Variants in QKI observed in about 807,000 individuals in gnomAD.
QKI encodes QKI, KH domain containing RNA binding.
QKI carries 10 observed loss-of-function variants against 39.0 expected under a neutral mutation model. The observed-to-expected ratio is 0.26, with a 90% CI of 0.16 to 0.43. The LOEUF is 0.43. Among genes scored for constraint, QKI ranks in the 20% least tolerant of loss-of-function variants. QKI has a pLI of 1.00. For synonymous variants in QKI, 204 were observed against 155.4 expected, an observed-to-expected ratio of 1.31 and a Z score of -2.33; for missense variants, 218 against 428.0, an observed-to-expected ratio of 0.51 and a Z score of 4.33.
chr6:163,570,507 G>C (rs1583239266), intron 7 of QKI, 187 bp from the exon 8 acceptor site: 1 of 958,750 alleles, frequency 1.0e-6, no homozygotes, highest in Non-Finnish European at 1.2e-6. Context: ...ATACGAAATT[G>C]TCATGATTTT....
chr6:163,415,855 G>A (rs952745293), intron 1 of QKI: 3 of 496,910 alleles, frequency 6.0e-6, no homozygotes, highest in East Asian at 5.7e-5. Context: ...GCGGGGTTTC[G>A]TGGTTGGGGA....
At chr6:163,491,877 A>G (rs1030815645) in intron 3 of QKI, among the ~76,000 whole-genome samples, 1 of 152,234 alleles carries the variant, frequency 6.6e-6, no homozygotes, top group Non-Finnish European at 1.5e-5. Flanking sequence ...TTACTCAGCC[A>G]TAGATATAAC....
Position 163,455,364 on chromosome 6 carries a change from G to C in QKI, c.228G>C (p.Val76=). 1.2e-6 allele frequency: 2 copies of C among 1,612,848 alleles called. No homozygotes were observed. Among genetic ancestry groups the C allele is most frequent in the East Asian group, 2.2e-5 (1 of 44,844 alleles). Residue 76 remains valine, a synonymous_variant, in exon 2 of 8, where the codon GTG becomes GTC. Transcript: ENST00000361752. ...EKRSAELPDA[V]GPIVQLQEKL... Reference sequence around the variant, plus strand: ...GGAGTGCAGAATTGCCTGATGCTGTGGGACCTATTGTTCAGTTACAAGAGA... The same window carrying C: ...GGAGTGCAGAATTGCCTGATGCTGTCGGACCTATTGTTCAGTTACAAGAGA...
chr6:163,541,637 T>G (rs192581186), intron 4 of QKI, among the ~76,000 whole-genome samples: 7 of 152,028 alleles, frequency 4.6e-5, no homozygotes, highest in African/African-American at 1.4e-4. Flanking sequence ...GGTGTACACA[T>G]GTACATGCAT....
chr6:163,548,095 C>T (rs772769147), intron 4 of QKI, among the ~76,000 whole-genome samples: 4 of 152,094 alleles, frequency 2.6e-5, no homozygotes, highest in Non-Finnish European at 4.4e-5. Flanking sequence ...GAAAGAACTC[C>T]GTGATTTGTA....
intron 6 of QKI, 130 bp downstream of exon 6, chr6:163,563,849 A>T: frequency 6.9e-7 from 1 of 1,453,634 alleles, no homozygotes; most frequent in Non-Finnish European, 9.0e-7. Flanking sequence ...CGAAAACTAA[A>T]TTTTGTTTTA....
chr6:163,545,199 G>C (rs1440674821), intron 4 of QKI, among the ~76,000 whole-genome samples: 1 of 152,080 alleles, frequency 6.6e-6, no homozygotes, highest in East Asian at 1.9e-4. Context: ...AAATTTAAAT[G>C]TGCTGATTTT....
chr6:163,459,569 C>G (rs779138669), intron 2 of QKI, among the ~76,000 whole-genome samples: 1 of 152,026 alleles, frequency 6.6e-6, no homozygotes, highest in African/African-American at 2.4e-5. Flanking sequence ...AAATATTTGC[C>G]GAAAAATAAT....
chr6:163,565,520 G>T (rs539719014), intron 6 of QKI: 10 of 989,192 alleles, frequency 1.0e-5, no homozygotes, highest in Admixed American at 5.9e-5. Flanking sequence ...GTTTCTCATT[G>T]TAAAGCTTCA....
At chr6:163,511,251 T>C (rs1779454837) in intron 3 of QKI, among the ~76,000 whole-genome samples, 1 of 152,170 alleles carries the variant, frequency 6.6e-6, no homozygotes, top group Admixed American at 6.6e-5. Flanking sequence ...GGAGGAAATT[T>C]ATATATTTAA....
intron 3 of QKI, among the ~76,000 whole-genome samples, chr6:163,494,784 C>T (rs190984738): frequency 1.3e-5 from 2 of 152,090 alleles, no homozygotes; most frequent in East Asian, 3.9e-4. Flanking sequence ...GGATTCCTAA[C>T]AGCAAGAAGA....
chr6:163,501,300 C>A (rs1459714018), intron 3 of QKI, among the ~76,000 whole-genome samples: 1 of 150,612 alleles, frequency 6.6e-6, no homozygotes, highest in African/African-American at 2.5e-5. Context: ...AAAAAAAAAC[C>A]CAAAGCATTT....
chr6:163,544,381 G>A (rs2128244202), intron 4 of QKI, among the ~76,000 whole-genome samples: 1 of 152,154 alleles, frequency 6.6e-6, no homozygotes, highest in East Asian at 1.9e-4. Context: ...TGGTGTTCTG[G>A]AACCAGTTCC....
At chr6:163,417,749 T>C (rs1787644556) in intron 1 of QKI, among the ~76,000 whole-genome samples, 1 of 152,200 alleles carries the variant, frequency 6.6e-6, no homozygotes, top group Admixed American at 6.5e-5. Context: ...CTATCTTTAG[T>C]TTTAGCCTTG....
At chr6:163,442,148 T>C (rs1789807718) in intron 1 of QKI, among the ~76,000 whole-genome samples, 1 of 152,150 alleles carries the variant, frequency 6.6e-6, no homozygotes. Flanking sequence ...AGAGAGAATC[T>C]AGCTGTCTTT....
At chr6:163,457,547 C>G in intron 2 of QKI, 2 of 439,220 alleles carry the variant, frequency 4.6e-6, no homozygotes, top group South Asian at 3.2e-5. Context: ...ATCAGAAACT[C>G]TGGGGTAAGG....
chr6:163,479,051 C>T (rs1043533663), intron 3 of QKI, among the ~76,000 whole-genome samples, 155 bp downstream of exon 3: 3 of 151,954 alleles, frequency 2.0e-5, no homozygotes, highest in Non-Finnish European at 4.4e-5. Flanking sequence ...TTTGGGAGGC[C>T]GAGGCAGGCG....
chr6:163,547,426 A>G (rs1028869355), intron 4 of QKI, among the ~76,000 whole-genome samples: 2 of 152,086 alleles, frequency 1.3e-5, no homozygotes, highest in Non-Finnish European at 2.9e-5. Context: ...TTCATTTCCA[A>G]TTTGTTCTTC....
chr6:163,422,541 T>C (rs1056118594), intron 1 of QKI, among the ~76,000 whole-genome samples: 1 of 152,146 alleles, frequency 6.6e-6, no homozygotes. Context: ...TGCAGTGTTA[T>C]GATCATGCTA....
Sources: gnomAD v4.1 joint callset for allele counts (sites outside exome capture counted in the v4.1 genomes callset) on GRCh38, gnomAD v4.1.1 for gene constraint, MANE v1.5 for transcripts, NCBI Gene and HGNC (gene_info 2026-07-23, HGNC 2026-07-21) for gene names.